The following DDR2 variants were observed in gnomAD, a reference collection of about 807,000 sequenced individuals.
DDR2 encodes discoidin domain-containing receptor 2.
A neutral mutation model predicts 94.9 loss-of-function variants in DDR2; 27 were observed. That is an observed-to-expected ratio of 0.28 (90% CI 0.21 to 0.39). The LOEUF is 0.39. Ranked by LOEUF, DDR2 falls within the 10% of genes least tolerant of loss-of-function variation. DDR2 has a pLI of 1.00. For synonymous variants in DDR2, 382 were observed against 377.2 expected (o/e 1.01, Z -0.15); for missense variants, 783 against 1,076.0 (o/e 0.73, Z 3.81).
At chr1:162,667,452 A>G (rs1423492408) in intron 2 of DDR2, among the ~76,000 whole-genome samples, 1 of 152,202 alleles carries the variant, frequency 6.6e-6, no homozygotes, top group African/African-American at 2.4e-5. Context: ...GTCACACTGC[A>G]ATAAAGCACA....
chr1:162,768,577 G>T (rs1393037930), intron 11 of DDR2, among the ~76,000 whole-genome samples: 2 of 152,194 alleles, frequency 1.3e-5, no homozygotes. Context: ...AGTCTCTAGA[G>T]CTTTCTAGAT....
At chr1:162,769,404 A>G (rs570551039) in intron 11 of DDR2, among the ~76,000 whole-genome samples, 1 of 152,282 alleles carries the variant, frequency 6.6e-6, no homozygotes, top group East Asian at 1.9e-4. Context: ...TATTTGTAGG[A>G]TAATTTTGGT....
At chr1:162,661,858 G>T (rs1448868159) in intron 2 of DDR2, among the ~76,000 whole-genome samples, 1 of 152,166 alleles carries the variant, frequency 6.6e-6, no homozygotes, top group Non-Finnish European at 1.5e-5. Context: ...GAGATTCTGT[G>T]GGAATCTTTG....
At chr1:162,768,458 G>A (rs1177762346) in intron 11 of DDR2, among the ~76,000 whole-genome samples, 1 of 152,200 alleles carries the variant, frequency 6.6e-6, no homozygotes, top group South Asian at 2.1e-4. Flanking sequence ...GGAAGGAGGA[G>A]AAATCCTGAT....
intron 2 of DDR2, among the ~76,000 whole-genome samples, chr1:162,716,637 C>T (rs746256671): frequency 7.2e-5 from 11 of 152,136 alleles, no homozygotes; most frequent in Non-Finnish European, 1.6e-4. Flanking sequence ...CACTATGGGG[C>T]CATTTAAATC....
intron 3 of DDR2, among the ~76,000 whole-genome samples, chr1:162,752,140 T>C (rs1243768940): frequency 7.5e-6 from 1 of 133,220 alleles, no homozygotes; most frequent in South Asian, 2.7e-4. Context: ...ACTTAAAGTA[T>C]AATAAAAAAA....
intron 3 of DDR2, among the ~76,000 whole-genome samples, chr1:162,748,819 T>G (rs1402837434): frequency 6.6e-6 from 1 of 152,200 alleles, no homozygotes; most frequent in East Asian, 1.9e-4. Context: ...CAGACCACAG[T>G]GCAATCAAAT....
chr1:162,642,446 GTGT>G (rs1164095753), intron 1 of DDR2, among the ~76,000 whole-genome samples: 2 of 121,754 alleles, frequency 1.6e-5, no homozygotes, highest in African/African-American at 6.9e-5. Flanking sequence ...CTAATTTTCT[GTGT>G]TTTTTTTTTT....
Position 162,734,942 on chromosome 1 carries a change from A to G in DDR2, c.82+15797A>G, listed in dbSNP as rs567768297. ...GGATGATAGAGGAACAACGAAGAAG[A>G]GCTAGAAGGCATTATAGTGGCTCAG... On this transcript the variant is annotated intron_variant, in intron 3 of 17. Coordinates refer to ENST00000367921, the MANE Select transcript of DDR2 (RefSeq NM_006182.4). 5.9e-5 allele frequency among the ~76,000 whole-genome samples: 9 copies of G among 152,320 alleles called. No individual in the cohort carries two copies. The East Asian group carries it at 1.7e-3, about 29-fold the overall frequency.
rs1364325806 is a variant in DDR2 at position 162,776,323 on chromosome 1, C to T, written c.2236C>T (p.Arg746Trp). Residue 746 changes from arginine to tryptophan, a missense_variant, in exon 16 of 18, where the codon CGG (arginine) becomes TGG (tryptophan). Arg to Trp is a moderately radical substitution (Grantham distance 101, BLOSUM62 -3). This residue lies in a region of DDR2 where 264 missense variants were observed against 428.2 expected (regional missense o/e 0.62). Coordinates refer to ENST00000367921, the MANE Select transcript of DDR2 (RefSeq NM_006182.4). ...TGGTGACTATTACCGGATCCAGGGC[C>T]GGGCAGTGCTCCCTATCCGCTGGAT... The part of the protein sequence containing the change: ...YSGDYYRIQG[R>W]AVLPIRWMSW... The T allele has an allele frequency of 9.9e-6, 16 of 1,613,876 alleles. No homozygotes were observed. Among genetic ancestry groups the T allele is most frequent in the East Asian group, 2.2e-5 (1 of 44,870 alleles).
chr1:162,674,323 CAG>C (rs766909637), intron 2 of DDR2, among the ~76,000 whole-genome samples: 39 of 152,282 alleles, frequency 2.6e-4, no homozygotes, highest in Non-Finnish European at 1.2e-4. Context: ...AATCCCAATG[CAG>C]AGTGTTCAGT....
chr1:162,648,970 G>A (rs540162824), intron 1 of DDR2, among the ~76,000 whole-genome samples: 1 of 152,144 alleles, frequency 6.6e-6, no homozygotes, highest in African/African-American at 2.4e-5. Context: ...ACTACTTGTT[G>A]CTTCTCTTTC....
intron 9 of DDR2, among the ~76,000 whole-genome samples, chr1:162,763,333 C>T (rs10799870): frequency 0.15 from 18,460 of 119,350 alleles, 1,661 homozygotes; most frequent in African/African-American, 0.23. Flanking sequence ...CTACCACGCC[C>T]GGCTTTTTTT....
In DDR2 at chr1:162,785,829, G is replaced by C. The variant is rs1361296952; in HGVS notation, c.*5583G>C. On this transcript the variant is annotated 3_prime_UTR_variant, in exon 18 of 18. Coordinates refer to ENST00000367921, the MANE Select transcript of DDR2 (RefSeq NM_006182.4). ...TTGTATACTTTTTGATGGAGAAATTGATCTATAGAACTGCTTAATTTTTTG... is the reference window on the plus strand; with the variant it reads ...TTGTATACTTTTTGATGGAGAAATTCATCTATAGAACTGCTTAATTTTTTG... 6.6e-6 allele frequency: 1 copy of C among 152,154 alleles called. No homozygotes were observed. Among genetic ancestry groups the C allele is most frequent in the Non-Finnish European group, 1.5e-5 (1 of 68,028 alleles). The allele number at this position is 152,154 out of a possible 1,614,324, so 9.4% of individuals were successfully genotyped here. A position where few individuals can be genotyped will look rare whatever the true frequency, so the allele number is the denominator to read the frequency against.
chr1:162,699,088 T>C (rs1402120186), intron 2 of DDR2, among the ~76,000 whole-genome samples: 2 of 152,196 alleles, frequency 1.3e-5, no homozygotes, highest in Admixed American at 1.3e-4. Flanking sequence ...GACGGGAGAT[T>C]CAGGAGAAGG....
intron 2 of DDR2, among the ~76,000 whole-genome samples, chr1:162,714,747 AG>A (rs1484045108): frequency 6.6e-6 from 1 of 152,130 alleles, no homozygotes; most frequent in East Asian, 1.9e-4. Context: ...ATGTACTATA[AG>A]TTCCATGTTG....
intron 17 of DDR2, 47 bp from the exon 18 acceptor site, chr1:162,780,065 T>TTCTCTC: frequency 6.3e-7 from 1 of 1,577,952 alleles, no homozygotes; most frequent in Non-Finnish European, 8.7e-7. Context: ...CTTTGTAATA[T>TTCTCTC]TCTCTCTCTC....
At chr1:162,723,054 C>G (rs1264686610) in intron 3 of DDR2, among the ~76,000 whole-genome samples, 1 of 152,104 alleles carries the variant, frequency 6.6e-6, no homozygotes, top group Non-Finnish European at 1.5e-5. Context: ...AATTTTAAAC[C>G]CTAAAACTCT....
intron 1 of DDR2, among the ~76,000 whole-genome samples, chr1:162,652,077 T>G (rs1657719923): frequency 6.6e-6 from 1 of 152,216 alleles, no homozygotes; most frequent in Non-Finnish European, 1.5e-5. Context: ...AAGACAGACT[T>G]GGTTTGGAAT....
Sources: gnomAD v4.1 joint callset for allele counts (sites outside exome capture counted in the v4.1 genomes callset) on GRCh38, gnomAD v4.1.1 for gene constraint, gnomAD v4.1.1 regional missense constraint, MANE v1.5 for transcripts, NCBI Gene and HGNC (gene_info 2026-07-23, HGNC 2026-07-21) for gene names.